Variants in CMC1 observed in about 807,000 individuals in gnomAD.
CMC1 encodes the protein C-X9-C motif containing 1.
CMC1 carries 14 observed loss-of-function variants against 14.1 expected under a neutral mutation model. The ratio of observed to expected loss-of-function variants is 0.99; its 90% confidence interval spans 0.66 to 1.55. CMC1 has a LOEUF of 1.55. Among genes scored for constraint, CMC1 ranks in the 40% most tolerant of loss-of-function variants. The pLI is 0.00. For synonymous variants in CMC1, 50 were observed against 38.4 expected (o/e 1.30, Z -1.12); for missense variants, 127 against 123.8 (o/e 1.03, Z -0.12).
intron 2 of CMC1, among the ~76,000 whole-genome samples, chr3:28,273,913 C>T (rs1700425352): frequency 6.6e-6 from 1 of 152,104 alleles, no homozygotes; most frequent in Non-Finnish European, 1.5e-5. Flanking sequence ...ATTGCAACTC[C>T]TGCATTTTTC....
chr3:28,283,197 G>A (rs1700984643), intron 2 of CMC1, among the ~76,000 whole-genome samples: 1 of 152,042 alleles, frequency 6.6e-6, no homozygotes, highest in Non-Finnish European at 1.5e-5. Flanking sequence ...CAAACCATGG[G>A]TAAATATCAA....
At chr3:28,293,666 C>A (rs150713674) in intron 2 of CMC1, among the ~76,000 whole-genome samples, 147 of 152,272 alleles carry the variant, frequency 9.7e-4, no homozygotes, top group African/African-American at 3.4e-3. Context: ...ACTGCAGCCT[C>A]TGCCTCCTGG....
At chr3:28,300,563 C>T (rs1701972950) in intron 2 of CMC1, among the ~76,000 whole-genome samples, 1 of 151,856 alleles carries the variant, frequency 6.6e-6, no homozygotes, top group Non-Finnish European at 1.5e-5. Flanking sequence ...CCCACTCTCC[C>T]CTCTCCAGCA....
At chr3:28,263,090 C>G in intron 1 of CMC1, 3 of 492,864 alleles carry the variant, frequency 6.1e-6, no homozygotes, top group Non-Finnish European at 1.1e-5. Flanking sequence ...TGCTTGTATT[C>G]CTCACATTTT....
intron 2 of CMC1, among the ~76,000 whole-genome samples, chr3:28,283,260 T>A (rs1210835828): frequency 6.6e-6 from 1 of 152,064 alleles, no homozygotes; most frequent in Non-Finnish European, 1.5e-5. Context: ...ACGCCTGTAA[T>A]CCCAGCACTT....
At chr3:28,280,397 G>A (rs62252069) in intron 2 of CMC1, among the ~76,000 whole-genome samples, 34,849 of 151,964 alleles carry the variant, frequency 0.23, 4,460 homozygotes, top group Middle Eastern at 0.3. Flanking sequence ...TTTTAGATCA[G>A]TGTTATCTAA....
chr3:28,306,999 A>G (rs1483567929), intron 2 of CMC1, among the ~76,000 whole-genome samples: 1 of 152,186 alleles, frequency 6.6e-6, no homozygotes, highest in Non-Finnish European at 1.5e-5. Flanking sequence ...TGAAGTTAAG[A>G]TGGCCATCTT....
chr3:28,324,561 T>C lies in CMC1; in HGVS notation c.*4932T>C. 9.3e-7 allele frequency: 1 copy of C among 1,075,778 alleles called. No homozygotes were observed. Among genetic ancestry groups the C allele is most frequent in the Non-Finnish European group, 1.2e-6 (1 of 802,490 alleles). 66.6% of individuals were successfully genotyped at this position (1,075,778 alleles called of 1,614,324 possible). A position where few individuals can be genotyped will look rare whatever the true frequency, so the allele number is the denominator to read the frequency against. ...TCTAGAACTGGTGATGAAATTAAGATTTCCAAGTTAGTGTGATCATTGAGG... is the reference window on the plus strand; with the variant it reads ...TCTAGAACTGGTGATGAAATTAAGACTTCCAAGTTAGTGTGATCATTGAGG... On this transcript the variant is annotated 3_prime_UTR_variant, in exon 4 of 4. Coordinates refer to ENST00000466830, the MANE Select transcript of CMC1 (RefSeq NM_182523.2).
chr3:28,298,884 C>G (rs535860848), intron 2 of CMC1, among the ~76,000 whole-genome samples: 2 of 152,050 alleles, frequency 1.3e-5, no homozygotes, highest in East Asian at 3.9e-4. Flanking sequence ...TTTTAAGCAC[C>G]TGCATGCTTT....
At chr3:28,256,807 C>T (rs565658567) in intron 1 of CMC1, among the ~76,000 whole-genome samples, 141 of 152,220 alleles carry the variant, frequency 9.3e-4, no homozygotes, top group African/African-American at 3.3e-3. Context: ...AACCACTTTT[C>T]TAAAGGATGT....
chr3:28,268,707 G>A (rs1372851291), intron 2 of CMC1, among the ~76,000 whole-genome samples: 1 of 152,170 alleles, frequency 6.6e-6, no homozygotes, highest in Non-Finnish European at 1.5e-5. Context: ...TGCCTGCTAT[G>A]TTAACTCTTT....
chr3:28,322,798 G>A lies in CMC1; in HGVS notation c.*3169G>A, dbSNP rs1559453652. Reference sequence around the variant, plus strand: ...CTAGTGAATGGCGAACATTGTCTATGTATGTATGCTATTCAGTAATACAGT... The same window carrying A: ...CTAGTGAATGGCGAACATTGTCTATATATGTATGCTATTCAGTAATACAGT... On this transcript the variant is annotated 3_prime_UTR_variant, in exon 4 of 4. Transcript: ENST00000466830. The A allele has an allele frequency of 6.6e-6, 1 of 151,442 alleles. No individual in the cohort carries two copies. The highest frequency in any genetic ancestry group is 2.4e-5 in the African/African-American group (1 of 41,262). The allele number at this position is 151,442 out of a possible 1,614,324, so 9.4% of individuals were successfully genotyped here.
intron 1 of CMC1, among the ~76,000 whole-genome samples, chr3:28,254,444 T>C (rs1448049022): frequency 6.6e-6 from 1 of 152,140 alleles, no homozygotes. Context: ...ATTTGGAAAA[T>C]TGAAATCAAT....
intron 2 of CMC1, among the ~76,000 whole-genome samples, chr3:28,285,445 T>C (rs547351054): frequency 6.6e-6 from 1 of 152,168 alleles, no homozygotes; most frequent in Admixed American, 6.5e-5. Context: ...AAATATCACA[T>C]GTTCTCACGT....
intron 2 of CMC1, among the ~76,000 whole-genome samples, chr3:28,267,663 C>T (rs1372963861): frequency 6.6e-6 from 1 of 152,138 alleles, no homozygotes; most frequent in Non-Finnish European, 1.5e-5. Flanking sequence ...AGGTAAATAA[C>T]AAAGAAGCTT....
At position 28,281,904 on chromosome 3, in the gene CMC1, C is replaced by CA. The variant is rs200630545; in HGVS notation, c.109+18527dup. Among the ~76,000 whole-genome samples, 474 of 152,144 alleles carry CA rather than the reference C, an allele frequency of 3.1e-3. 2 individuals carry two copies. The highest frequency in any genetic ancestry group is 6.9e-3 in the Admixed American group (105 of 15,284). On this transcript the variant is annotated intron_variant, in intron 2 of 3. Coordinates refer to ENST00000466830, the MANE Select transcript of CMC1 (RefSeq NM_182523.2). Reference sequence around the variant, plus strand: ...ATGGGCATGTTTGTTGATACAGCAGCAAAGAGATTGACCTTAGGAAACCAG... The same window carrying CA: ...ATGGGCATGTTTGTTGATACAGCAGCAAAAGAGATTGACCTTAGGAAACCAG...
chr3:28,324,560 A>G lies in CMC1; in HGVS notation c.*4931A>G. ...TTCTAGAACTGGTGATGAAATTAAG[A>G]TTTCCAAGTTAGTGTGATCATTGAG... On this transcript the variant is annotated 3_prime_UTR_variant, in exon 4 of 4. Transcript: ENST00000466830. 9.3e-7 allele frequency: 1 copy of G among 1,079,344 alleles called. No homozygotes were observed. The allele number at this position is 1,079,344 out of a possible 1,614,324, so 66.9% of individuals were successfully genotyped here.
intron 1 of CMC1, among the ~76,000 whole-genome samples, chr3:28,256,795 T>A (rs1699435234): frequency 6.6e-6 from 1 of 152,176 alleles, no homozygotes; most frequent in Non-Finnish European, 1.5e-5. Context: ...TAGTTACTAC[T>A]TAACCACTTT....
chr3:28,253,902 T>C (rs890695480), intron 1 of CMC1: 11 of 372,156 alleles, frequency 3.0e-5, no homozygotes, highest in African/African-American at 2.4e-4. Flanking sequence ...TTAAAGACTC[T>C]GTAATATTCT....
Sources: allele counts gnomAD v4.1 joint callset (sites outside exome capture counted in the v4.1 genomes callset), GRCh38; gene constraint gnomAD v4.1.1; transcripts MANE v1.5; gene names NCBI Gene and HGNC (gene_info 2026-07-23, HGNC 2026-07-21).